The following FMN1 variants were observed in gnomAD, a reference collection of about 807,000 sequenced individuals.
FMN1 encodes the protein formin-1.
A neutral mutation model predicts 132.4 loss-of-function variants in FMN1; 110 were observed. That is an observed-to-expected ratio of 0.83 (90% confidence interval 0.71 to 0.97). The LOEUF is 0.97. FMN1 is among the 50% of genes least tolerant of loss of function. The pLI, the probability that FMN1 is intolerant of heterozygous loss-of-function variation, is 0.00. For synonymous variants in FMN1, 722 were observed against 651.7 expected (o/e 1.11, Z -1.64); for missense variants, 1,792 against 1,705.3 (o/e 1.05, Z -0.90).
At chr15:33,086,293 T>C (rs188178206) in intron 5 of FMN1, among the ~76,000 whole-genome samples, 1 of 135,738 alleles carries the variant, frequency 7.4e-6, no homozygotes, top group East Asian at 2.0e-4. Context: ...GACGAGGTTA[T>C]AAAATCTGGC....
intron 6 of FMN1, among the ~76,000 whole-genome samples, chr15:33,033,955 A>AG (rs1315505739): frequency 6.6e-6 from 1 of 151,952 alleles, no homozygotes; most frequent in African/African-American, 2.4e-5. Context: ...GCCTCACTGG[A>AG]GGCTTTCTCA....
At chr15:32,815,019 T>A (rs2058010735) in intron 17 of FMN1, among the ~76,000 whole-genome samples, 1 of 152,164 alleles carries the variant, frequency 6.6e-6, no homozygotes, top group South Asian at 2.1e-4. Context: ...CTCGGCTCAC[T>A]GCAAGCTCCG....
Position 32,888,219 on chromosome 15 carries a change from A to G in FMN1, c.3788T>C (p.Phe1263Ser). 1 of 1,613,294 alleles carries G rather than the reference A, an allele frequency of 6.2e-7. No homozygotes were observed. The highest frequency in any genetic ancestry group is 8.5e-7 in the Non-Finnish European group (1 of 1,179,538). Residue 1263 changes from phenylalanine (F) to serine (S), a missense_variant, in exon 16 of 21, where the codon TTT (phenylalanine) becomes TCT (serine). Phe to Ser is a radical substitution (Grantham distance 155). Transcript: ENST00000616417. ...TCTCAAATCTTTTATGAGGTCTTCA[A>G]ACTTGACTTGGGAGGCCAGAAAGAA... ...QDFFLASQVKFEDLIKDLRKL... is the reference protein window; with the variant it reads ...QDFFLASQVKSEDLIKDLRKL...
intron 5 of FMN1, among the ~76,000 whole-genome samples, chr15:33,069,731 CTT>C (rs2037911046): frequency 6.6e-6 from 1 of 152,270 alleles, no homozygotes; most frequent in Admixed American, 6.5e-5. Context: ...AAGTAAAACA[CTT>C]TCTAAATCTT....
At chr15:33,091,810 A>C (rs2038913122) in intron 4 of FMN1, among the ~76,000 whole-genome samples, 1 of 152,242 alleles carries the variant, frequency 6.6e-6, no homozygotes, top group Non-Finnish European at 1.5e-5. Context: ...TAATAAAAAG[A>C]GAAAAAAATC....
At chr15:33,139,887 C>A (rs1420782606) in intron 4 of FMN1, among the ~76,000 whole-genome samples, 2 of 152,110 alleles carry the variant, frequency 1.3e-5, no homozygotes. Flanking sequence ...CCAACTAAAT[C>A]ATATACTCCT....
chr15:32,936,577 A>G (rs1246321004), intron 9 of FMN1, among the ~76,000 whole-genome samples: 1 of 152,054 alleles, frequency 6.6e-6, no homozygotes, highest in Admixed American at 6.6e-5. Flanking sequence ...GCCCCCAAAC[A>G]TCTAGAGTAT....
At chr15:32,921,307 A>G (rs2060815760) in intron 10 of FMN1, among the ~76,000 whole-genome samples, 2 of 152,314 alleles carry the variant, frequency 1.3e-5, no homozygotes, top group South Asian at 2.1e-4. Flanking sequence ...TGTGCATGCA[A>G]TGACAAAGAG....
At chr15:33,073,333 T>C (rs190681377) in intron 5 of FMN1, among the ~76,000 whole-genome samples, 2 of 152,348 alleles carry the variant, frequency 1.3e-5, no homozygotes, top group East Asian at 3.9e-4. Flanking sequence ...CTTCCCAAAG[T>C]AGTTCAAATA....
intron 7 of FMN1, among the ~76,000 whole-genome samples, chr15:33,005,210 A>C (rs919560927): frequency 6.6e-6 from 1 of 151,878 alleles, no homozygotes; most frequent in Non-Finnish European, 1.5e-5. Context: ...AAAAAAAAAA[A>C]CTACAGCTAA....
rs578104835 is a variant in FMN1 at position 32,863,249 on chromosome 15, A to G, written c.3836-6142T>C. 7.9e-5 allele frequency among the ~76,000 whole-genome samples: 12 copies of G among 152,220 alleles called. No homozygotes were observed. In the East Asian group the frequency reaches 2.3e-3, roughly 30 times the overall value. ...ACGAGGTCAGGAGACCATCCTGCCTAACACGGTGAAACCCCATCTCTACTA... is the reference window on the plus strand; with the variant it reads ...ACGAGGTCAGGAGACCATCCTGCCTGACACGGTGAAACCCCATCTCTACTA... On this transcript the variant is annotated intron_variant, in intron 16 of 20. Transcript: ENST00000616417.
intron 19 of FMN1, among the ~76,000 whole-genome samples, chr15:32,777,788 T>C (rs2056500278): frequency 8.5e-6 from 1 of 118,294 alleles, no homozygotes; most frequent in Non-Finnish European, 1.7e-5. Flanking sequence ...ATAATACATT[T>C]ATATATTATG....
At chr15:32,928,269 G>A (rs537758500) in intron 9 of FMN1, among the ~76,000 whole-genome samples, 21 of 151,998 alleles carry the variant, frequency 1.4e-4, no homozygotes, top group Non-Finnish European at 2.1e-4. Flanking sequence ...AGAATTTTAG[G>A]AGTTTTAAAC....
chr15:33,061,682 T>C (rs1005847618), intron 6 of FMN1, among the ~76,000 whole-genome samples: 7 of 152,122 alleles, frequency 4.6e-5, no homozygotes, highest in Non-Finnish European at 1.0e-4. Context: ...GATTCTGAGA[T>C]GTATTGTAAT....
intron 6 of FMN1, among the ~76,000 whole-genome samples, chr15:33,016,772 C>G (rs1294908054): frequency 1.3e-5 from 2 of 152,192 alleles, no homozygotes; most frequent in Non-Finnish European, 2.9e-5. Context: ...CTCCTTCTTC[C>G]CCGGTGTCCC....
intron 4 of FMN1, among the ~76,000 whole-genome samples, chr15:33,123,820 G>A (rs1004039700): frequency 4.6e-5 from 7 of 152,158 alleles, no homozygotes; most frequent in African/African-American, 1.4e-4. Context: ...CAACTAAACT[G>A]GCTTAGGCAG....
intron 7 of FMN1, among the ~76,000 whole-genome samples, chr15:32,979,815 T>C (rs773103649): frequency 3.3e-5 from 5 of 152,144 alleles, no homozygotes; most frequent in African/African-American, 4.8e-5. Flanking sequence ...GTTCACTGTA[T>C]CCCATGAGCA....
At chr15:33,009,857 C>CGAAT in intron 6 of FMN1, among the ~76,000 whole-genome samples, 1 of 152,212 alleles carries the variant, frequency 6.6e-6, no homozygotes, top group East Asian at 1.9e-4. Context: ...GCAATAAAGA[C>CGAAT]GAATATATGC....
At position 33,166,311 on chromosome 15, in the gene FMN1, A is replaced by ACTTTTT; in HGVS notation, c.-131-11272_-131-11267dup. Among the ~76,000 whole-genome samples, 3 of 141,796 alleles carry ACTTTTT rather than the reference A, an allele frequency of 2.1e-5. No individual in the cohort carries two copies. In the Middle Eastern group the frequency reaches 0.011, roughly 506 times the overall value. The allele number at this position is 141,796 out of a possible 152,430, so 93.0% of individuals were successfully genotyped here. On this transcript the variant is annotated intron_variant, in intron 3 of 20. Transcript: ENST00000616417. ...CACTACCCTAGTACCACTGGCACTC[A>ACTTTTT]CTTTTTCTTTTTCTTTTTTTTTTTT...
Sources: gnomAD v4.1 joint callset for allele counts (sites outside exome capture counted in the v4.1 genomes callset) on GRCh38, gnomAD v4.1.1 for gene constraint, MANE v1.5 for transcripts, NCBI Gene and HGNC (gene_info 2026-07-23, HGNC 2026-07-21) for gene names.